SLC29A4: variants seen among roughly 807,000 people sequenced by gnomAD.
SLC29A4 encodes equilibrative nucleoside transporter 4.
A neutral mutation model predicts 43.9 loss-of-function variants in SLC29A4; 36 were observed. The ratio of observed to expected loss-of-function variants is 0.82; its 90% confidence interval spans 0.63 to 1.08. The LOEUF is 1.08. Ranked by LOEUF, SLC29A4 falls within the 50% of genes least tolerant of loss-of-function variation. SLC29A4 has a pLI of 0.00. For synonymous variants in SLC29A4, 491 were observed against 338.0 expected (o/e 1.45, Z -4.97); for missense variants, 869 against 755.3 (o/e 1.15, Z -1.77).
At chr7:5,286,969 C>T (rs974146221) in intron 1 of SLC29A4, among the ~76,000 whole-genome samples, 9 of 152,234 alleles carry the variant, frequency 5.9e-5, no homozygotes, top group Admixed American at 1.3e-4. Flanking sequence ...GGCATCGTAC[C>T]GCCAAAGTAT....
At position 5,293,001 on chromosome 7, in the gene SLC29A4, G is replaced by A. The variant is rs570457797; in HGVS notation, c.544+1180G>A. Among the ~76,000 whole-genome samples the A allele has an allele frequency of 1.9e-3, 283 of 150,160 alleles. 1 individual carries two copies. Among genetic ancestry groups the A allele is most frequent in the African/African-American group, 6.6e-3 (271 of 40,892 alleles). ...GGCGTGAGCCACCGCACCCCGCCCC[G>A]ATAATGTTCTTTATAGCATTTTTTT... On this transcript the variant is annotated intron_variant, in intron 5 of 10. Transcript: ENST00000396872.
In SLC29A4 at chr7:5,300,957, C is replaced by A. The variant is rs532786711; in HGVS notation, c.1450+295C>A. Among the ~76,000 whole-genome samples the A allele has an allele frequency of 9.8e-4, 150 of 152,296 alleles. 2 individuals are homozygous for A. The highest frequency in any genetic ancestry group is 3.6e-3 in the African/African-American group (149 of 41,554). On this transcript the variant is annotated intron_variant, in intron 10 of 10. Transcript: ENST00000396872. ...CTCCCCGTGCTGTGGGACTGACTGTCCAGATGTGGAGGCAGCCCAGGCCGG... is the reference window on the plus strand; with the variant it reads ...CTCCCCGTGCTGTGGGACTGACTGTACAGATGTGGAGGCAGCCCAGGCCGG...
chr7:5,299,409 G>A lies in SLC29A4; in HGVS notation c.1191G>A (p.Leu397=), dbSNP rs778856950. ...LPILIMAVFN[L]SDFVGKILAA... is the part of the protein sequence containing the mutation. The stretch of plus-strand genomic sequence containing the variant: ...TCCTCATCATGGCTGTGTTCAACCT[G>A]TCAGACTTCGTGGGCAAGGTGGGCT... The change falls in exon 9 of 11, where the codon CTG becomes CTA. Residue 397 remains leucine, a synonymous_variant. Transcript: ENST00000396872. The A allele has an allele frequency of 7.4e-6, 12 of 1,611,528 alleles. 1 individual carries two copies. In the South Asian group the frequency reaches 1.3e-4, roughly 18 times the overall value.
chr7:5,294,864 G>T lies in SLC29A4; in HGVS notation c.549G>T (p.Gln183His), dbSNP rs964263927. 7 of 1,612,236 alleles carry T rather than the reference G, an allele frequency of 4.3e-6. No homozygotes were observed. The highest frequency in any genetic ancestry group is 5.9e-6 in the Non-Finnish European group (7 of 1,179,704). The change falls in exon 6 of 11, where the codon CAG (glutamine) becomes CAT (histidine). Residue 183 changes from glutamine to histidine, a missense_variant. By Grantham distance (24) the Gln-to-His change is conservative. Coordinates refer to ENST00000396872, the MANE Select transcript of SLC29A4 (RefSeq NM_153247.4). ...VGTVAFGCTV[Q>H]QSSFYGYTGM... ...TTCCTCTCTCTCTCTCTTAAGTGCA[G>T]CAATCCAGCTTCTACGGGTACACGG...
chr7:5,296,702 G>C (rs1282121347), intron 6 of SLC29A4, among the ~76,000 whole-genome samples: 1 of 147,884 alleles, frequency 6.8e-6, no homozygotes, highest in Non-Finnish European at 1.5e-5. Flanking sequence ...TGGTGGAGCA[G>C]GTCTGGTTGC....
chr7:5,292,690 CTTTTTTTTTTT>C (rs1056329272), intron 5 of SLC29A4, among the ~76,000 whole-genome samples: 7 of 67,402 alleles, frequency 1.0e-4, no homozygotes, highest in Non-Finnish European at 1.3e-4. Context: ...CATTTTTTTC[CTTTTTTTTTTT>C]TTTTTTTTTT....
At chr7:5,290,600 A>G (rs1785240442) in intron 2 of SLC29A4, 132 bp from the exon 3 acceptor site, 8 of 1,221,982 alleles carry the variant, frequency 6.5e-6, no homozygotes, top group Non-Finnish European at 7.8e-6. Context: ...TATCTGGAAC[A>G]GAGGGGAGCA....
intron 2 of SLC29A4, among the ~76,000 whole-genome samples, chr7:5,289,968 C>G (rs1184579166): frequency 1.3e-5 from 2 of 152,106 alleles, no homozygotes; most frequent in African/African-American, 4.8e-5. Context: ...TCACTGCAAC[C>G]TCCACCTCCT....
chr7:5,297,329 T>G, intron 7 of SLC29A4, 131 bp downstream of exon 7: 1 of 1,061,232 alleles, frequency 9.4e-7, no homozygotes, highest in Non-Finnish European at 1.3e-6. Context: ...TGGTGGAGAC[T>G]CCTTCCTGCC....
At chr7:5,298,609 T>C (rs374038271) in intron 7 of SLC29A4, among the ~76,000 whole-genome samples, 18 of 152,052 alleles carry the variant, frequency 1.2e-4, no homozygotes, top group East Asian at 7.7e-4. Context: ...CTGGGCAACA[T>C]AGCAAGACCC....
rs761262412 is a variant in SLC29A4, at chr7:5,294,888, G to A, written c.573G>A (p.Thr191=). The A allele has an allele frequency of 2.8e-5, 45 of 1,612,010 alleles. No individual in the cohort carries two copies. The highest frequency in any genetic ancestry group is 2.7e-4 in the East Asian group (12 of 44,768). ...AGCAATCCAGCTTCTACGGGTACACGGGGATGCTGCCCAAGCGGTACACGC... is the reference window on the plus strand; with the variant it reads ...AGCAATCCAGCTTCTACGGGTACACAGGGATGCTGCCCAAGCGGTACACGC... The part of the protein sequence containing the change: ...TVQQSSFYGY[T]GMLPKRYTQG... Residue 191 remains threonine (T), a synonymous_variant, in exon 6 of 11, where the codon ACG becomes ACA. Coordinates refer to ENST00000396872, the MANE Select transcript of SLC29A4 (RefSeq NM_153247.4).
Position 5,300,667 on chromosome 7 carries a change from G to A in SLC29A4, c.1450+5G>A. 3 of 1,605,982 alleles carry A rather than the reference G, an allele frequency of 1.9e-6. No homozygotes were observed. In the South Asian group the frequency reaches 3.3e-5, roughly 18 times the overall value. On this transcript the variant is annotated splice_donor_5th_base_variant and intron_variant, in intron 10 of 10. Coordinates refer to ENST00000396872, the MANE Select transcript of SLC29A4 (RefSeq NM_153247.4). The stretch of plus-strand genomic sequence containing the variant: ...CCAAGCAGCGGGAGCTGGCAGGTGA[G>A]GCCCGCGGGACGTGGGGGTGGGGGC...
chr7:5,292,888 G>A (rs1424607163), intron 5 of SLC29A4, among the ~76,000 whole-genome samples: 2 of 150,976 alleles, frequency 1.3e-5, no homozygotes, highest in African/African-American at 2.4e-5. Flanking sequence ...TAGTAGAGAC[G>A]GGGTTTCACC....
In SLC29A4 at chr7:5,291,846, G is replaced by A. The variant is rs113364007; in HGVS notation, c.544+25G>A. ...GGTAGGAACCGGGGCCCAAGGGGGA[G>A]GCCTTGAGTGCCCACTTCCGACCCC... On this transcript the variant is annotated intron_variant, in intron 5 of 10. Coordinates refer to ENST00000396872, the MANE Select transcript of SLC29A4 (RefSeq NM_153247.4). 6,161 of 1,604,888 alleles carry A rather than the reference G, an allele frequency of 3.8e-3. 213 individuals carry two copies. The African/African-American group carries it at 0.073, about 19-fold the overall frequency.
At chr7:5,296,403 G>T (rs1490082917) in intron 6 of SLC29A4, among the ~76,000 whole-genome samples, 3 of 150,086 alleles carry the variant, frequency 2.0e-5, no homozygotes, top group African/African-American at 7.4e-5. Context: ...GAGCGGCGTC[G>T]GGGTGGGGCT....
chr7:5,300,721 G>T (rs1328609564), intron 10 of SLC29A4, 59 bp downstream of exon 10: 4 of 1,577,946 alleles, frequency 2.5e-6, no homozygotes, highest in African/African-American at 1.4e-5. Flanking sequence ...TGCCCCCCTC[G>T]CGAGGAAACC....
chr7:5,299,316 C>T lies in SLC29A4; in HGVS notation c.1098C>T (p.Ile366=), dbSNP rs1454365826. The T allele has an allele frequency of 4.0e-5, 64 of 1,611,946 alleles. No homozygotes were observed. The highest frequency in any genetic ancestry group is 5.4e-5 in the Non-Finnish European group (64 of 1,179,890). The change falls in exon 9 of 11, where the codon ATC becomes ATT. Residue 366 remains isoleucine, a synonymous_variant. Coordinates refer to ENST00000396872, the MANE Select transcript of SLC29A4 (RefSeq NM_153247.4). ...TCTCCATCGCCGTGACCTACTTCAT[C>T]ACGCTGTGCCTGTTCCCCGGCCTCG... ...DMLSIAVTYF[I]TLCLFPGLES...
At chr7:5,299,496 T>C in intron 9 of SLC29A4, 69 bp downstream of exon 9, 3 of 1,511,096 alleles carry the variant, frequency 2.0e-6, no homozygotes, top group Non-Finnish European at 1.8e-6. Flanking sequence ...GGCCCTGGCC[T>C]ATCCGGGAAG....
intron 6 of SLC29A4, among the ~76,000 whole-genome samples, chr7:5,295,422 G>A (rs1280685878): frequency 2.0e-5 from 3 of 152,102 alleles, no homozygotes; most frequent in Non-Finnish European, 2.9e-5. Flanking sequence ...CACCCACCCT[G>A]CCAATCACAC....
Sources: allele counts gnomAD v4.1 joint callset (sites outside exome capture counted in the v4.1 genomes callset), GRCh38; gene constraint gnomAD v4.1.1; transcripts MANE v1.5; gene names NCBI Gene and HGNC (gene_info 2026-07-23, HGNC 2026-07-21).